The following DNAH9 variants were observed in gnomAD, a reference collection of about 807,000 sequenced individuals.
The protein encoded by DNAH9 is DNAH9 variant protein.
DNAH9 carries 345 observed loss-of-function variants against 471.6 expected under a neutral mutation model. The observed-to-expected ratio is 0.73, with a 90% confidence interval of 0.67 to 0.80. The LOEUF (loss-of-function observed/expected upper bound fraction) is 0.80, where lower values mean the gene tolerates loss of function less well. Among genes scored for constraint, DNAH9 ranks in the 30% least tolerant of loss-of-function variants. The probability of loss-of-function intolerance (pLI) is 0.00; values close to 1 mark genes in which losing one functional copy is unlikely to be tolerated. For synonymous variants in DNAH9, 2,093 were observed against 2,123.6 expected (o/e 0.99, Z 0.40); for missense variants, 5,407 against 5,609.2 (o/e 0.96, Z 1.15).
intron 35 of DNAH9, among the ~76,000 whole-genome samples, chr17:11,762,207 C>T (rs867783360): frequency 7.2e-5 from 11 of 152,196 alleles, no homozygotes; most frequent in Non-Finnish European, 1.3e-4. Flanking sequence ...AAGTGAATGG[C>T]GTGCTGTGCA....
chr17:11,615,679 T>A (rs2072727241), intron 4 of DNAH9, among the ~76,000 whole-genome samples: 2 of 152,142 alleles, frequency 1.3e-5, no homozygotes. Context: ...CTGGGTTGGA[T>A]GGCCAACCCT....
intron 26 of DNAH9, among the ~76,000 whole-genome samples, chr17:11,712,027 T>C (rs1252701710): frequency 5.0e-4 from 6 of 12,014 alleles, no homozygotes; most frequent in Admixed American, 4.3e-3. Flanking sequence ...TATATAAATA[T>C]ATATATTTAT....
chr17:11,959,368 TTAA>T (rs1975888262), intron 67 of DNAH9, among the ~76,000 whole-genome samples: 1 of 152,090 alleles, frequency 6.6e-6, no homozygotes, highest in African/African-American at 2.4e-5. Flanking sequence ...ATCTTTATAC[TTAA>T]TGTTATTTTA....
Position 11,882,622 on chromosome 17 carries a change from C to T in DNAH9, c.10807-964C>T, listed in dbSNP as rs369665558. Among the ~76,000 whole-genome samples the T allele has an allele frequency of 1.1e-4, 16 of 150,484 alleles. No individual in the cohort carries two copies. The South Asian group carries it at 3.0e-3, about 28-fold the overall frequency. On this transcript the variant is annotated intron_variant, in intron 55 of 68. Coordinates refer to ENST00000262442, the MANE Select transcript of DNAH9 (RefSeq NM_001372.4). ...CAGCAGTGAACAAAGAAAACCATGTCCCAGCCTTCATGGAATCTACACTCT... is the reference window on the plus strand; with the variant it reads ...CAGCAGTGAACAAAGAAAACCATGTTCCAGCCTTCATGGAATCTACACTCT...
intron 49 of DNAH9, among the ~76,000 whole-genome samples, chr17:11,843,561 C>A (rs994675828): frequency 6.6e-6 from 1 of 151,618 alleles, no homozygotes; most frequent in South Asian, 2.1e-4. Context: ...TAATTGAACT[C>A]CAATTTGATT....
intron 24 of DNAH9, 51 bp downstream of exon 24, chr17:11,701,298 C>A: frequency 6.3e-7 from 1 of 1,592,668 alleles, no homozygotes; most frequent in Non-Finnish European, 8.6e-7. Context: ...TGTCTTCCTC[C>A]GCAGCCTCCC....
intron 57 of DNAH9, among the ~76,000 whole-genome samples, chr17:11,890,002 AAAG>A (rs1382045353): frequency 1.3e-5 from 2 of 152,230 alleles, no homozygotes; most frequent in Non-Finnish European, 2.9e-5. Context: ...TTAGGACAGA[AAAG>A]AAAAAGAGAG....
rs1242596549 is a variant in DNAH9, at chr17:11,694,624, TGCTTTCTTGCTTTCTTGCTTTCTC to T, written c.4872+185_4872+208del. Reference sequence around the variant, plus strand: ...GAGCTTTCTTGCTTTCTTGCTTTCTTGCTTTCTTGCTTTCTTGCTTTCTCGCTTTCTCGCTTTCTCGCTTTCTCG... The same window carrying T: ...GAGCTTTCTTGCTTTCTTGCTTTCTTGCTTTCTCGCTTTCTCGCTTTCTCG... On this transcript the variant is annotated intron_variant, in intron 22 of 68. Transcript: ENST00000262442. Among the ~76,000 whole-genome samples, 5 of 5,252 alleles carry T rather than the reference TGCTTTCTTGCTTTCTTGCTTTCTC, an allele frequency of 9.5e-4. 1 individual carries two copies. In the East Asian group the frequency reaches 0.042, roughly 45 times the overall value. The allele number at this position is 5,252 out of a possible 152,430, so 3.4% of individuals were successfully genotyped here.
rs369729599 is a variant in DNAH9, at chr17:11,698,182, T to TATTAATAATATATTATTATA, written c.4873-1549_4873-1548insATTAATAATATATTATTATA. On this transcript the variant is annotated intron_variant, in intron 22 of 68. Transcript: ENST00000262442. Reference sequence around the variant, plus strand: ...AATATATTATTATATTAATATATTATTATATTAATATAATAATATATTAAT... The same window carrying TATTAATAATATATTATTATA: ...AATATATTATTATATTAATATATTATATTAATAATATATTATTATATATATTAATATAATAATATATTAAT... Among the ~76,000 whole-genome samples, 167 of 120,316 alleles carry TATTAATAATATATTATTATA rather than the reference T, an allele frequency of 1.4e-3. 1 individual carries two copies. The East Asian group carries it at 0.022, about 16-fold the overall frequency. The allele number at this position is 120,316 out of a possible 152,430, so 78.9% of individuals were successfully genotyped here. A position where few individuals can be genotyped will look rare whatever the true frequency, so the allele number is the denominator to read the frequency against.
intron 48 of DNAH9, among the ~76,000 whole-genome samples, chr17:11,827,687 C>CT (rs35848318): frequency 3.7e-4 from 54 of 147,004 alleles, no homozygotes; most frequent in South Asian, 4.3e-4. Flanking sequence ...ATCCTTGGTT[C>CT]TTTTTTTTTT....
rs542311098 is a variant in DNAH9 at position 11,854,034 on chromosome 17, C to T, written c.9539C>T (p.Ser3180Phe). The T allele has an allele frequency of 1.2e-6, 2 of 1,614,166 alleles. No individual in the cohort carries two copies. The highest frequency in any genetic ancestry group is 3.3e-5 in the Admixed American group (2 of 60,026). The change falls in exon 50 of 69, where the codon TCT (serine) becomes TTT (phenylalanine). Residue 3180 changes from serine to phenylalanine, a missense_variant. Coordinates refer to ENST00000262442, the MANE Select transcript of DNAH9 (RefSeq NM_001372.4). ...CTGACAGAGCTGAAGTCATTTGGCTCTCCGCCTCTGGCCGTCAGCAATGTC... is the reference window on the plus strand; with the variant it reads ...CTGACAGAGCTGAAGTCATTTGGCTTTCCGCCTCTGGCCGTCAGCAATGTC... Reference protein sequence around the residue: ...TNLTELKSFGSPPLAVSNVSA... With the variant: ...TNLTELKSFGFPPLAVSNVSA...
At chr17:11,811,384 G>C (rs1322334704) in intron 45 of DNAH9, among the ~76,000 whole-genome samples, 1 of 152,098 alleles carries the variant, frequency 6.6e-6, no homozygotes, top group African/African-American at 2.4e-5. Context: ...CAGTATGCTG[G>C]ATCCCATCCT....
At chr17:11,642,899 G>C (rs575448320) in intron 10 of DNAH9, among the ~76,000 whole-genome samples, 1 of 119,952 alleles carries the variant, frequency 8.3e-6, no homozygotes, top group East Asian at 3.9e-4. Flanking sequence ...TGAGTAATCA[G>C]GGGGAAAAAA....
At chr17:11,762,770 G>GTTGTTGTTGTTTTTTT in intron 35 of DNAH9, among the ~76,000 whole-genome samples, 1 of 90,744 alleles carries the variant, frequency 1.1e-5, no homozygotes. Context: ...TTTTTTTTTT[G>GTTGTTGTTGTTTTTTT]TTTTTTTTTT....
chr17:11,930,039 G>GC lies in DNAH9; in HGVS notation c.12057dup (p.Thr4020HisfsTer29). ...AGAACTCCATTAAGATCACCAATGA[G>GC]CCCCCCACGGGCATGCATGCCAACC... On this transcript the variant is annotated frameshift_variant, in exon 63 of 69. Coordinates refer to ENST00000262442, the MANE Select transcript of DNAH9 (RefSeq NM_001372.4). LOFTEE classifies it high-confidence loss of function. The GC allele has an allele frequency of 6.2e-7, 1 of 1,614,068 alleles. No individual in the cohort carries two copies. Among genetic ancestry groups the GC allele is most frequent in the Non-Finnish European group, 8.5e-7 (1 of 1,180,014 alleles).
chr17:11,876,560 G>A (rs1360967944), intron 53 of DNAH9, among the ~76,000 whole-genome samples: 1 of 152,168 alleles, frequency 6.6e-6, no homozygotes, highest in Non-Finnish European at 1.5e-5. Flanking sequence ...GTGACAAAAA[G>A]ACAAATGTGG....
At chr17:11,869,506 TG>T (rs1275080241) in intron 51 of DNAH9, among the ~76,000 whole-genome samples, 2 of 152,332 alleles carry the variant, frequency 1.3e-5, no homozygotes, top group Non-Finnish European at 2.9e-5. Context: ...TCATGCAAAA[TG>T]GTAACACACT....
intron 67 of DNAH9, among the ~76,000 whole-genome samples, chr17:11,946,720 A>G (rs1374521903): frequency 6.6e-6 from 1 of 151,634 alleles, no homozygotes; most frequent in East Asian, 1.9e-4. Flanking sequence ...CCCTCTAAAT[A>G]TATAACGGTA....
intron 4 of DNAH9, among the ~76,000 whole-genome samples, chr17:11,613,082 G>T (rs2072670748): frequency 6.6e-6 from 1 of 152,200 alleles, no homozygotes; most frequent in Non-Finnish European, 1.5e-5. Flanking sequence ...GGCATAAGTT[G>T]TTAGTCTCTG....
Sources: gnomAD v4.1 joint callset for allele counts (sites outside exome capture counted in the v4.1 genomes callset) on GRCh38, gnomAD v4.1.1 for gene constraint, MANE v1.5 for transcripts, NCBI Gene and HGNC (gene_info 2026-07-23, HGNC 2026-07-21) for gene names.